The following CADPS variants were observed in gnomAD, a reference collection of about 807,000 sequenced individuals.
CADPS encodes calcium-dependent secretion activator 1.
In CADPS, 57 loss-of-function variants were observed where a neutral mutation model predicts 167.3. That is an observed-to-expected ratio of 0.34 (90% CI 0.28 to 0.42). CADPS has a LOEUF of 0.42. Among genes scored for constraint, CADPS ranks in the 20% least tolerant of loss-of-function variants. CADPS has a pLI of 1.00. For synonymous variants in CADPS, 676 were observed against 635.3 expected, an observed-to-expected ratio of 1.06 and a Z score of -0.96; for missense variants, 1,414 against 1,738.1, an observed-to-expected ratio of 0.81 and a Z score of 3.32.
intron 1 of CADPS, among the ~76,000 whole-genome samples, chr3:62,817,087 G>A (rs991029511): frequency 6.6e-6 from 1 of 152,090 alleles, no homozygotes; most frequent in Non-Finnish European, 1.5e-5. Context: ...AGTCTCTAAG[G>A]ATTTGAACAC....
intron 17 of CADPS, among the ~76,000 whole-genome samples, chr3:62,503,172 G>A (rs894970288): frequency 4.0e-5 from 6 of 151,612 alleles, no homozygotes; most frequent in East Asian, 1.9e-4. Flanking sequence ...GATACACTTC[G>A]TACAATGAAG....
rs895585497 is a variant in CADPS, at chr3:62,753,838, G to A, written c.556-65C>T. 8.9e-6 allele frequency: 13 copies of A among 1,466,004 alleles called. No individual in the cohort carries two copies. The African/African-American group carries it at 1.5e-4, about 17-fold the overall frequency. 90.8% of individuals were successfully genotyped at this position (1,466,004 alleles called of 1,614,324 possible). On this transcript the variant is annotated intron_variant, in intron 2 of 29. Transcript: ENST00000383710. This position sits in a 1 kb window ranked among gnomAD's most constrained non-coding sequence, Gnocchi z 4.6. ...TACCACAGAGGTACCAGTTCCCTGG[G>A]GCTGGACACTGGGCCAGTCCACCTC...
chr3:62,747,347 C>G (rs1350610594), intron 3 of CADPS, among the ~76,000 whole-genome samples: 2 of 152,180 alleles, frequency 1.3e-5, no homozygotes, highest in African/African-American at 4.8e-5. Context: ...GTTCAGTCAA[C>G]AGACCTACCG....
rs114106848 is a variant in CADPS at position 62,451,825 on chromosome 3, C to T, written c.3637-6028G>A. ...CAAGGTTAATGATGCTGTTTTGCTC[C>T]CTTTTCCACTTCCCTAACCCAAGCA... On this transcript the variant is annotated intron_variant, in intron 26 of 29. Transcript: ENST00000383710. Among the ~76,000 whole-genome samples, 929 of 152,196 alleles carry T rather than the reference C, an allele frequency of 6.1e-3. 5 individuals are homozygous for T. Among genetic ancestry groups the T allele is most frequent in the Non-Finnish European group, 9.5e-3 (645 of 68,006 alleles).
chr3:62,731,809 A>AAAAAG (rs1554125904), intron 3 of CADPS, among the ~76,000 whole-genome samples: 2 of 84,146 alleles, frequency 2.4e-5, no homozygotes, highest in African/African-American at 1.7e-4. Context: ...CATATGCAAA[A>AAAAAG]AAAAAAAAAA....
At chr3:62,406,535 A>C in intron 28 of CADPS, among the ~76,000 whole-genome samples, 1 of 152,196 alleles carries the variant, frequency 6.6e-6, no homozygotes, top group East Asian at 1.9e-4. Flanking sequence ...ATATACTCTA[A>C]GTCTGTAGAA....
At chr3:62,854,936 T>G (rs1320874849) in intron 1 of CADPS, among the ~76,000 whole-genome samples, 3 of 152,080 alleles carry the variant, frequency 2.0e-5, no homozygotes, top group African/African-American at 7.2e-5. Flanking sequence ...GATGTGTTAT[T>G]TATTTTTGGA....
At chr3:62,852,612 A>T (rs1390024641) in intron 1 of CADPS, among the ~76,000 whole-genome samples, 2 of 152,092 alleles carry the variant, frequency 1.3e-5, no homozygotes, top group South Asian at 2.1e-4. Context: ...AAGAAAAAAA[A>T]AAAAGCTGGC....
At chr3:62,774,991 C>G (rs2089909449) in intron 1 of CADPS, among the ~76,000 whole-genome samples, 1 of 151,912 alleles carries the variant, frequency 6.6e-6, no homozygotes, top group African/African-American at 2.4e-5. Flanking sequence ...ATCTGTCTTG[C>G]TATTTGAATG....
At chr3:62,408,274 T>A (rs4688127) in intron 28 of CADPS, among the ~76,000 whole-genome samples, 143,125 of 152,286 alleles carry the variant, frequency 0.94, 67,330 homozygotes, top group East Asian at 0.97. Context: ...GGATCAGATC[T>A]TGTCTTTAAT....
chr3:62,671,320 G>T (rs1469972015), intron 3 of CADPS, among the ~76,000 whole-genome samples: 1 of 151,652 alleles, frequency 6.6e-6, no homozygotes, highest in African/African-American at 2.4e-5. Context: ...TTTATATCTG[G>T]GGCTGGGAGA....
At chr3:62,590,120 T>G (rs2085610010) in intron 7 of CADPS, among the ~76,000 whole-genome samples, 1 of 147,382 alleles carries the variant, frequency 6.8e-6, no homozygotes. Context: ...ACCTGGGAGG[T>G]GGAGGTTGCA....
rs72891937 is a variant in CADPS, at chr3:62,530,405, G to T, written c.2291+2466C>A. On this transcript the variant is annotated intron_variant, in intron 13 of 29. Transcript: ENST00000383710. ...TGACTCACAATTCTGTTTACATATT[G>T]CTCAATTAGTCTTTTCAATATGAAC... is the stretch of plus-strand genomic sequence containing the variant. Among the ~76,000 whole-genome samples the T allele has an allele frequency of 6.7e-3, 1,025 of 152,210 alleles. 13 individuals carry two copies. Among genetic ancestry groups the T allele is most frequent in the African/African-American group, 0.023 (962 of 41,530 alleles).
intron 8 of CADPS, among the ~76,000 whole-genome samples, chr3:62,578,165 A>AC (rs1279743979): frequency 2.0e-5 from 3 of 147,342 alleles, no homozygotes; most frequent in African/African-American, 5.0e-5. Context: ...AGATAGAAAA[A>AC]AAAAGATTTA....
intron 3 of CADPS, among the ~76,000 whole-genome samples, chr3:62,688,263 A>G (rs887993276): frequency 6.9e-6 from 1 of 143,906 alleles, no homozygotes; most frequent in Non-Finnish European, 1.5e-5. Context: ...AAAACCAAAA[A>G]TATTCCTAGA....
chr3:62,477,897 T>C (rs1422979360), intron 23 of CADPS: 2 of 201,516 alleles, frequency 9.9e-6, no homozygotes, highest in Non-Finnish European at 2.1e-5. Flanking sequence ...CTTCTTTTTT[T>C]CCCTTCTAAT....
intron 8 of CADPS, among the ~76,000 whole-genome samples, chr3:62,578,104 C>T (rs957266050): frequency 2.0e-5 from 3 of 151,160 alleles, no homozygotes; most frequent in African/African-American, 7.3e-5. Context: ...TCACTCTATG[C>T]TGCCTATAAG....
chr3:62,477,502 G>A (rs2150724182), intron 23 of CADPS, among the ~76,000 whole-genome samples: 1 of 152,234 alleles, frequency 6.6e-6, no homozygotes, highest in Middle Eastern at 3.4e-3. Flanking sequence ...TTCATTGTAT[G>A]CCAAGAACTT....
intron 28 of CADPS, among the ~76,000 whole-genome samples, chr3:62,437,240 C>T (rs1013649103): frequency 4.0e-5 from 6 of 151,770 alleles, no homozygotes; most frequent in African/African-American, 1.5e-4. Context: ...TCTACACTGG[C>T]AAATTCGGTG....
Sources: allele counts gnomAD v4.1 joint callset (sites outside exome capture counted in the v4.1 genomes callset), GRCh38; gene constraint gnomAD v4.1.1; non-coding constraint Gnocchi (gnomAD v3.1); transcripts MANE v1.5; gene names NCBI Gene and HGNC (gene_info 2026-07-23, HGNC 2026-07-21).